GPD2: variants seen among roughly 807,000 people sequenced by gnomAD.
GPD2 encodes glycerol-3-phosphate dehydrogenase 2.
In GPD2, 54 loss-of-function variants were observed where a neutral mutation model predicts 82.4. The ratio of observed to expected loss-of-function variants is 0.66; its 90% CI spans 0.53 to 0.82. The LOEUF (loss-of-function observed/expected upper bound fraction) is 0.82, where lower values mean the gene tolerates loss of function less well. GPD2 is among the 40% of genes least tolerant of loss of function. The pLI is 0.00. For missense variants in GPD2, 748 were observed against 896.2 expected (o/e 0.83, Z 2.11); for synonymous variants, 288 against 306.1 (o/e 0.94, Z 0.62).
At chr2:156,454,748 A>G (rs988406443) in intron 1 of GPD2, among the ~76,000 whole-genome samples, 2 of 151,978 alleles carry the variant, frequency 1.3e-5, no homozygotes, top group African/African-American at 4.8e-5. Flanking sequence ...TCTTCTGGTG[A>G]TGACTGAGGA....
the GPD2 span, among the ~76,000 whole-genome samples, chr2:156,418,793 A>G: frequency 6.6e-6 from 1 of 152,154 alleles, no homozygotes; most frequent in Non-Finnish European, 1.5e-5. Flanking sequence ...ATTATTAGGG[A>G]GAATGAGTGG....
chr2:156,555,573 G>A (rs2105343178), intron 8 of GPD2, among the ~76,000 whole-genome samples: 1 of 152,134 alleles, frequency 6.6e-6, no homozygotes, highest in South Asian at 2.1e-4. Flanking sequence ...AACTCTGAGT[G>A]TTCTAATCTC....
chr2:156,415,931 G>A, the GPD2 span, among the ~76,000 whole-genome samples: 1 of 98,134 alleles, frequency 1.0e-5, no homozygotes, highest in Non-Finnish European at 2.6e-5. Context: ...TGAGGCAGGA[G>A]AATGGCGTGA....
At chr2:156,568,990 C>CAT in intron 10 of GPD2, 31 bp downstream of exon 10, 1 of 1,253,302 alleles carries the variant, frequency 8.0e-7, no homozygotes, top group Non-Finnish European at 1.1e-6. Context: ...ATTTTCTTTT[C>CAT]TTTTTTTTTT....
chr2:156,499,804 T>G (rs892291175), intron 3 of GPD2, among the ~76,000 whole-genome samples: 1 of 151,380 alleles, frequency 6.6e-6, no homozygotes, highest in Admixed American at 6.6e-5. Flanking sequence ...AGGTTGTTTT[T>G]GGGTGGTTTT....
At chr2:156,565,583 A>G (rs1687358124) in intron 9 of GPD2, among the ~76,000 whole-genome samples, 1 of 152,112 alleles carries the variant, frequency 6.6e-6, no homozygotes, top group Admixed American at 6.6e-5. Flanking sequence ...CCAGTTAATT[A>G]TGTTGGTATT....
intron 6 of GPD2, among the ~76,000 whole-genome samples, chr2:156,549,114 A>C (rs1686656693): frequency 6.6e-6 from 1 of 152,242 alleles, no homozygotes; most frequent in Non-Finnish European, 1.5e-5. Context: ...CCTTTTACAG[A>C]ATACTGAGAA....
chr2:156,497,691 G>A (rs1684435660), intron 3 of GPD2, among the ~76,000 whole-genome samples: 2 of 151,984 alleles, frequency 1.3e-5, no homozygotes, highest in African/African-American at 2.4e-5. Context: ...GATTTCACAG[G>A]ATCCACACTC....
chr2:156,534,251 C>CCTT (rs3086040), intron 6 of GPD2, among the ~76,000 whole-genome samples: 106,314 of 151,732 alleles, frequency 0.7, 37,405 homozygotes, highest in Middle Eastern at 0.82. Flanking sequence ...TCTCTTCTCT[C>CCTT]CTCTGCTGTG....
Position 156,550,685 on chromosome 2 carries a change from G to A in GPD2, c.910G>A (p.Asp304Asn). 6.2e-7 allele frequency: 1 copy of A among 1,613,852 alleles called. No homozygotes were observed. Among genetic ancestry groups the A allele is most frequent in the Non-Finnish European group, 8.5e-7 (1 of 1,179,730 alleles). ...CTCTGTGCGCAAAATGGATGATAAA[G>A]ACGCAGCAGCTATCTGCCAGCCAAG... ...TDSVRKMDDK[D>N]AAAICQPSAG... is the part of the protein sequence containing the mutation. Residue 304 changes from aspartate (D) to asparagine (N), a missense_variant, in exon 8 of 17, where the codon GAC becomes AAC. Physicochemically the swap from Asp to Asn is conservative, Grantham distance 23. This residue lies in a region of GPD2 where 692 missense variants were observed against 809.7 expected (regional missense o/e 0.85). Coordinates refer to ENST00000438166, the MANE Select transcript of GPD2 (RefSeq NM_000408.5).
At chr2:156,565,104 T>A (rs1415463144) in intron 9 of GPD2, among the ~76,000 whole-genome samples, 1 of 152,110 alleles carries the variant, frequency 6.6e-6, no homozygotes, top group African/African-American at 2.4e-5. Context: ...ACAGATTATT[T>A]GCATATGCCT....
intron 6 of GPD2, among the ~76,000 whole-genome samples, chr2:156,534,681 T>C (rs1685995988): frequency 6.6e-6 from 1 of 152,350 alleles, no homozygotes; most frequent in Middle Eastern, 3.4e-3. Flanking sequence ...GATAGTATTC[T>C]CAGTTGTTTT....
intron 4 of GPD2, among the ~76,000 whole-genome samples, chr2:156,511,698 T>C (rs1359980886): frequency 1.3e-5 from 2 of 152,220 alleles, no homozygotes; most frequent in East Asian, 3.8e-4. Flanking sequence ...ATCTTATTTG[T>C]AAAATTAGTG....
At position 156,582,814 on chromosome 2, in the gene GPD2, G is replaced by A. The variant is rs1168789526; in HGVS notation, c.2080G>A (p.Gly694Arg). 1 of 1,613,002 alleles carries A rather than the reference G, an allele frequency of 6.2e-7. No individual in the cohort carries two copies. Among genetic ancestry groups the A allele is most frequent in the African/African-American group, 1.3e-5 (1 of 74,872 alleles). ...FLQLMSAIQK[G>R]RVSGSRLAIL... ...TAAGCTGATGAGTGCTATTCAAAAA[G>A]GAAGGGTATCTGGAAGCCGGCTTGC... The change falls in exon 17 of 17, where the codon GGA (glycine) becomes AGA (arginine). Residue 694 changes from glycine (G) to arginine (R), a missense_variant. Physicochemically the swap from Gly to Arg is moderately radical, Grantham distance 125. This residue lies in a region of GPD2 where 46 missense variants were observed against 49.1 expected (regional missense o/e 0.94). Transcript: ENST00000438166.
intron 1 of GPD2, among the ~76,000 whole-genome samples, chr2:156,473,366 A>G (rs957618325): frequency 3.9e-5 from 6 of 152,184 alleles, no homozygotes; most frequent in African/African-American, 1.4e-4. Context: ...AAACAATACT[A>G]TCAGGTAGGC....
At chr2:156,521,355 CTTAGG>C (rs1685400444) in intron 6 of GPD2, among the ~76,000 whole-genome samples, 1 of 152,148 alleles carries the variant, frequency 6.6e-6, no homozygotes, top group Admixed American at 6.5e-5. Flanking sequence ...AAGGAGATGA[CTTAGG>C]TTTACAAACT....
At chr2:156,487,180 G>A (rs1270373811) in intron 2 of GPD2, among the ~76,000 whole-genome samples, 1 of 151,954 alleles carries the variant, frequency 6.6e-6, no homozygotes, top group East Asian at 1.9e-4. Context: ...GTGGCGGGGG[G>A]CGCCTGTAAT....
the GPD2 span, among the ~76,000 whole-genome samples, chr2:156,408,081 G>A: frequency 3.3e-5 from 5 of 149,346 alleles, no homozygotes; most frequent in Admixed American, 1.4e-4. Context: ...TCAGCCTCCC[G>A]AGGAGCTGAG....
In GPD2 at chr2:156,569,381, A is replaced by G; in HGVS notation, c.1319A>G (p.Tyr440Cys). ...TTTATAGGTGGAAAGTGGACAACTT[A>G]TCGGTCTATGGCAGAAGATACCATA... ...ITIAGGKWTT[Y>C]RSMAEDTINA... Residue 440 changes from tyrosine (Y) to cysteine (C), a missense_variant, in exon 11 of 17, where the codon TAT becomes TGT. Tyr to Cys is a radical substitution (Grantham distance 194). Transcript: ENST00000438166. 1 of 1,610,346 alleles carries G rather than the reference A, an allele frequency of 6.2e-7. No individual in the cohort carries two copies. The highest frequency in any genetic ancestry group is 8.5e-7 in the Non-Finnish European group (1 of 1,176,708).
Sources: allele counts gnomAD v4.1 joint callset (sites outside exome capture counted in the v4.1 genomes callset), GRCh38; gene constraint gnomAD v4.1.1; regional missense constraint gnomAD v4.1.1; transcripts MANE v1.5; gene names NCBI Gene and HGNC (gene_info 2026-07-23, HGNC 2026-07-21).